Variants in GCKR observed in about 807,000 individuals in gnomAD.
GCKR encodes the protein glucokinase regulatory protein.
A neutral mutation model predicts 82.9 loss-of-function variants in GCKR; 73 were observed. The observed-to-expected ratio is 0.88, with a 90% CI of 0.73 to 1.07. The LOEUF (loss-of-function observed/expected upper bound fraction) is 1.07. GCKR is among the 50% of genes least tolerant of loss of function. The pLI, the probability that GCKR is intolerant of heterozygous loss-of-function variation, is 0.00. For synonymous variants in GCKR, 294 were observed against 291.8 expected (o/e 1.01, Z -0.08); for missense variants, 784 against 782.1 (o/e 1.00, Z -0.03).
intron 16 of GCKR, among the ~76,000 whole-genome samples, chr2:27,517,239 C>T (rs946749752): frequency 1.3e-5 from 2 of 152,034 alleles, no homozygotes; most frequent in Admixed American, 1.3e-4. Context: ...GTCTCAATCT[C>T]CTGACCTCAT....
At chr2:27,516,283 GTTTTTTTT>G (rs35189790) in intron 16 of GCKR, among the ~76,000 whole-genome samples, 1 of 58,526 alleles carries the variant, frequency 1.7e-5, no homozygotes, top group African/African-American at 7.9e-5. Flanking sequence ...CTTCATTCTT[GTTTTTTTT>G]TTTTTTTTTT....
Position 27,523,323 on chromosome 2 carries a change from C to G in GCKR, c.1762C>G (p.Gln588Glu), listed in dbSNP as rs1196579547. 3 of 1,612,922 alleles carry G rather than the reference C, an allele frequency of 1.9e-6. No individual in the cohort carries two copies. Among genetic ancestry groups the G allele is most frequent in the Non-Finnish European group, 2.5e-6 (3 of 1,179,944 alleles). Residue 588 changes from glutamine (Q) to glutamate (E), a missense_variant, in exon 19 of 19, where the codon CAG (glutamine) becomes GAG (glutamate). Gln to Glu is a conservative substitution (Grantham distance 29, BLOSUM62 2). Coordinates refer to ENST00000264717, the MANE Select transcript of GCKR (RefSeq NM_001486.4). ...ATTCCGGTGCTCGATCACTGAGGCT[C>G]AGGCACACCTGGCTGCAGCTCCTTC... The part of the protein sequence containing the change: ...LLFRCSITEA[Q>E]AHLAAAPSVC...
rs779698126 is a variant in GCKR, at chr2:27,518,929, A to G, written c.1564A>G (p.Met522Val). 6.3e-6 allele frequency: 7 copies of G among 1,104,980 alleles called. No homozygotes were observed. The highest frequency in any genetic ancestry group is 2.5e-4 in the Middle Eastern group (1 of 3,936). The allele number at this position is 1,104,980 out of a possible 1,614,324, so 68.4% of individuals were successfully genotyped here. The change falls in exon 17 of 19, where the codon ATG (methionine) becomes GTG (valine). Residue 522 changes from methionine to valine, a missense_variant. Coordinates refer to ENST00000264717, the MANE Select transcript of GCKR (RefSeq NM_001486.4). ...NSKLFWRALA[M>V]LQRFSGQSKA... The stretch of plus-strand genomic sequence containing the variant: ...CAAGCTCTTCTGGCGGGCGCTGGCC[A>G]TGCTGCAGGTAGGGATATGATGGGG...
At chr2:27,506,963 C>T (rs1669763651) in intron 12 of GCKR, 78 bp downstream of exon 12, 3 of 954,690 alleles carry the variant, frequency 3.1e-6, no homozygotes, top group African/African-American at 3.2e-5. Context: ...CACTGTCCTA[C>T]TCCCAACCCA....
At chr2:27,508,336 G>A (rs2148586270) in intron 16 of GCKR, 85 bp downstream of exon 16, 3 of 962,830 alleles carry the variant, frequency 3.1e-6, no homozygotes, top group East Asian at 4.8e-5. Flanking sequence ...AGGCTGTAGG[G>A]CAGAAAGTTT....
chr2:27,512,883 T>C (rs552779457), intron 16 of GCKR, among the ~76,000 whole-genome samples: 8 of 152,352 alleles, frequency 5.3e-5, no homozygotes, highest in African/African-American at 1.9e-4. Context: ...GTCAGTTGTT[T>C]TCCAGAATAT....
At chr2:27,497,522 C>G in intron 2 of GCKR, 40 bp from the exon 3 acceptor site, 1 of 1,575,272 alleles carries the variant, frequency 6.3e-7, no homozygotes, top group Non-Finnish European at 8.7e-7. Context: ...ATTCATCGTC[C>G]TCCTTTTCTT....
intron 17 of GCKR, among the ~76,000 whole-genome samples, chr2:27,519,270 A>G (rs1572875383): frequency 6.6e-6 from 1 of 151,126 alleles, no homozygotes; most frequent in South Asian, 2.1e-4. Context: ...AGAACTTTCC[A>G]CCCTTAACTC....
At chr2:27,523,222 T>A (rs1205492291) in intron 18 of GCKR, 47 bp from the exon 19 acceptor site, 1 of 1,552,394 alleles carries the variant, frequency 6.4e-7, no homozygotes, top group East Asian at 2.2e-5. Context: ...CTTTCTCTGA[T>A]GACCTCATTC....
At chr2:27,512,396 A>G (rs1669910299) in intron 16 of GCKR, among the ~76,000 whole-genome samples, 1 of 148,824 alleles carries the variant, frequency 6.7e-6, no homozygotes, top group African/African-American at 2.5e-5. Context: ...TTAGCCGGGC[A>G]TGGTGGCACA....
intron 16 of GCKR, among the ~76,000 whole-genome samples, chr2:27,513,538 A>G (rs1558440649): frequency 2.0e-5 from 3 of 151,610 alleles, no homozygotes; most frequent in East Asian, 1.9e-4. Flanking sequence ...AAAAAAAAAA[A>G]AAAGAAAGAA....
intron 7 of GCKR, 109 bp from the exon 8 acceptor site, chr2:27,501,026 G>A: frequency 1.2e-6 from 1 of 842,496 alleles, no homozygotes; most frequent in Non-Finnish European, 2.1e-6. Context: ...CTGTACCTGG[G>A]AATCTGCATT....
chr2:27,503,549 G>A lies in GCKR; in HGVS notation c.680G>A (p.Arg227Gln), dbSNP rs375163166. 240 of 1,609,886 alleles carry A rather than the reference G, an allele frequency of 1.5e-4. 2 individuals are homozygous for A. In the South Asian group the frequency reaches 2.4e-3, roughly 16 times the overall value. ...ATTGAAGACTGGAGTTCAACATTCCGACAAGTAGCAGAGCGGATGCAGAAA... is the reference window on the plus strand; with the variant it reads ...ATTGAAGACTGGAGTTCAACATTCCAACAAGTAGCAGAGCGGATGCAGAAA... ...DPIEDWSSTFRQVAERMQKMQ... is the reference protein window; with the variant it reads ...DPIEDWSSTFQQVAERMQKMQ... Residue 227 changes from arginine to glutamine, a missense_variant, in exon 9 of 19, where the codon CGA (arginine) becomes CAA (glutamine). Arg to Gln is a conservative substitution (Grantham distance 43, BLOSUM62 1). Transcript: ENST00000264717.
At chr2:27,523,222 T>G in intron 18 of GCKR, 47 bp from the exon 19 acceptor site, 55 of 1,552,352 alleles carry the variant, frequency 3.5e-5, no homozygotes, top group Non-Finnish European at 4.4e-5. Flanking sequence ...CTTTCTCTGA[T>G]GACCTCATTC....
intron 9 of GCKR, among the ~76,000 whole-genome samples, chr2:27,505,403 C>CAA (rs200176153): frequency 0.15 from 8,323 of 54,256 alleles, 565 homozygotes; most frequent in African/African-American, 0.27. Context: ...GACTCCATCT[C>CAA]AAAAAAAAAA....
chr2:27,507,171 A>G (rs997546519), intron 12 of GCKR, 64 bp from the exon 13 acceptor site: 2 of 1,135,568 alleles, frequency 1.8e-6, no homozygotes, highest in Non-Finnish European at 1.3e-6. Flanking sequence ...CTCCCCCTGA[A>G]GCCTAGAACC....
chr2:27,507,688 A>T lies in GCKR; in HGVS notation c.1151A>T (p.Gln384Leu). Residue 384 changes from glutamine (Q) to leucine (L), a missense_variant, in exon 14 of 19, where the codon CAG becomes CTG. By Grantham distance (113) the Gln-to-Leu change is moderately radical (BLOSUM62 -2). Transcript: ENST00000264717. The stretch of plus-strand genomic sequence containing the variant: ...CATCTTCTTCTGCCCCAGGGTCCCC[A>T]GTTCACCTTCTCCCAGGAGGACTTC... ...QKAELTNQGPQFTFSQEDFLT... is the reference protein window; with the variant it reads ...QKAELTNQGPLFTFSQEDFLT... The T allele has an allele frequency of 6.3e-7, 1 of 1,588,608 alleles. No homozygotes were observed. The highest frequency in any genetic ancestry group is 8.6e-7 in the Non-Finnish European group (1 of 1,157,306).
intron 10 of GCKR, 93 bp downstream of exon 10, chr2:27,505,929 T>G: frequency 1.3e-6 from 1 of 799,238 alleles, no homozygotes; most frequent in Non-Finnish European, 2.2e-6. Context: ...AGGACTGGGC[T>G]GGTGGCAGTA....
intron 3 of GCKR, 120 bp downstream of exon 3, chr2:27,497,750 C>T: frequency 1.4e-6 from 1 of 705,786 alleles, no homozygotes; most frequent in Admixed American, 2.1e-5. Flanking sequence ...GAGATCCTCC[C>T]TTTTGGATCC....
Sources: gnomAD v4.1 joint callset for allele counts (sites outside exome capture counted in the v4.1 genomes callset) on GRCh38, gnomAD v4.1.1 for gene constraint, MANE v1.5 for transcripts, NCBI Gene and HGNC (gene_info 2026-07-23, HGNC 2026-07-21) for gene names.